LEPR: variants seen among roughly 807,000 people sequenced by gnomAD.
LEPR encodes the protein leptin receptor.
LEPR carries 56 observed loss-of-function variants against 114.7 expected under a neutral mutation model. The ratio of observed to expected loss-of-function variants is 0.49; its 90% CI spans 0.39 to 0.61. The LOEUF (loss-of-function observed/expected upper bound fraction) is 0.61. LEPR is among the 20% of genes least tolerant of loss of function. The probability of loss-of-function intolerance (pLI) is 0.00; values close to 1 mark genes in which losing one functional copy is unlikely to be tolerated. For missense variants in LEPR, 1,202 were observed against 1,352.9 expected (o/e 0.89, Z 1.75); for synonymous variants, 443 against 461.4 (o/e 0.96, Z 0.51).
chr1:65,459,166 T>C (rs140075184), intron 2 of LEPR, among the ~76,000 whole-genome samples: 1 of 152,338 alleles, frequency 6.6e-6, no homozygotes, highest in African/African-American at 2.4e-5. Flanking sequence ...CAGGTCGTTG[T>C]CCACAGTATG....
intron 2 of LEPR, among the ~76,000 whole-genome samples, chr1:65,501,598 G>A (rs1648455560): frequency 6.6e-6 from 1 of 151,926 alleles, no homozygotes; most frequent in Admixed American, 6.6e-5. Context: ...GGTACTAGGG[G>A]TTAGGACTTG....
chr1:65,534,957 T>C (rs991386422), intron 2 of LEPR, among the ~76,000 whole-genome samples: 2 of 152,198 alleles, frequency 1.3e-5, no homozygotes, highest in Admixed American at 1.3e-4. Context: ...ATTGTAACTT[T>C]AGCCGCTGTT....
chr1:65,464,590 A>AAT lies in LEPR; in HGVS notation c.-21+39212_-21+39213insAT, dbSNP rs576985287. 8.5e-5 allele frequency among the ~76,000 whole-genome samples: 13 copies of AAT among 152,334 alleles called. No homozygotes were observed. In the East Asian group the frequency reaches 2.1e-3, roughly 25 times the overall value. The stretch of plus-strand genomic sequence containing the variant: ...TTTTTCTATTGATTGAAATAGTTTC[A>AAT]GAAGGAATAGTACCAGCTCCTTTTT... On this transcript the variant is annotated intron_variant, in intron 2 of 19. Transcript: ENST00000349533.
chr1:65,486,042 T>C (rs1339813571), intron 2 of LEPR, among the ~76,000 whole-genome samples: 1 of 152,186 alleles, frequency 6.6e-6, no homozygotes, highest in Non-Finnish European at 1.5e-5. Context: ...ATATTCTTCA[T>C]AGTTATCTCC....
At chr1:65,524,108 C>T (rs1319659053) in intron 2 of LEPR, among the ~76,000 whole-genome samples, 1 of 152,142 alleles carries the variant, frequency 6.6e-6, no homozygotes, top group Non-Finnish European at 1.5e-5. Context: ...ATTTTAGTCT[C>T]CAGAGCAGTG....
At chr1:65,567,335 C>T (rs1653838245) in intron 3 of LEPR, among the ~76,000 whole-genome samples, 1 of 152,146 alleles carries the variant, frequency 6.6e-6, no homozygotes, top group South Asian at 2.1e-4. Flanking sequence ...TCTATGTAGA[C>T]CTAGAATATA....
At chr1:65,449,783 C>G (rs1000070706) in intron 2 of LEPR, among the ~76,000 whole-genome samples, 2 of 132,702 alleles carry the variant, frequency 1.5e-5, no homozygotes, top group African/African-American at 5.6e-5. Flanking sequence ...TTTATTATTT[C>G]TTATTCTTTC....
At chr1:65,630,794 T>C (rs1658488318) in intron 19 of LEPR, among the ~76,000 whole-genome samples, 1 of 152,098 alleles carries the variant, frequency 6.6e-6, no homozygotes, top group African/African-American at 2.4e-5. Flanking sequence ...TTTTGTAAAT[T>C]TCCAAGTATT....
At chr1:65,539,960 C>A (rs1159450752) in intron 2 of LEPR, among the ~76,000 whole-genome samples, 3 of 152,162 alleles carry the variant, frequency 2.0e-5, no homozygotes, top group Non-Finnish European at 4.4e-5. Context: ...CTGGCACTCA[C>A]TGAGGTTCGG....
chr1:65,465,596 C>T (rs190857928), intron 2 of LEPR, among the ~76,000 whole-genome samples: 269 of 152,154 alleles, frequency 1.8e-3, no homozygotes, highest in African/African-American at 6.0e-3. Context: ...CCTTCTTTCT[C>T]GTTGATCTGT....
At chr1:65,530,822 C>T (rs1000293157) in intron 2 of LEPR, among the ~76,000 whole-genome samples, 2 of 152,152 alleles carry the variant, frequency 1.3e-5, no homozygotes, top group African/African-American at 4.8e-5. Context: ...TCATTTTACC[C>T]AGCCCCTACT....
chr1:65,567,972 A>G (rs148648322), intron 3 of LEPR, among the ~76,000 whole-genome samples: 2 of 152,208 alleles, frequency 1.3e-5, no homozygotes, highest in African/African-American at 4.8e-5. Flanking sequence ...ATATTGTATG[A>G]ATGTTGACTG....
In LEPR at chr1:65,480,982, G is replaced by A. The variant is rs114454298; in HGVS notation, c.-21+55604G>A. ...TATAACAAAATACCATAGACTGAGT[G>A]GCTTAAGCAACAGAAATGCATTTTC... On this transcript the variant is annotated intron_variant, in intron 2 of 19. Transcript: ENST00000349533. Among the ~76,000 whole-genome samples the A allele has an allele frequency of 7.2e-3, 1,100 of 152,234 alleles. 11 individuals are homozygous for A. Among genetic ancestry groups the A allele is most frequent in the African/African-American group, 0.025 (1,047 of 41,542 alleles).
chr1:65,486,998 C>T (rs1055911335), intron 2 of LEPR, among the ~76,000 whole-genome samples: 2 of 152,110 alleles, frequency 1.3e-5, no homozygotes, highest in African/African-American at 4.8e-5. Context: ...TCTGTTCCTA[C>T]CACTCTATAA....
intron 2 of LEPR, among the ~76,000 whole-genome samples, chr1:65,483,439 T>G (rs1416755355): frequency 6.6e-6 from 1 of 152,140 alleles, no homozygotes; most frequent in Non-Finnish European, 1.5e-5. Flanking sequence ...AATGATAGAT[T>G]CAGCATGGAA....
intron 2 of LEPR, among the ~76,000 whole-genome samples, chr1:65,467,246 T>C (rs1275382514): frequency 1.3e-5 from 2 of 152,204 alleles, no homozygotes; most frequent in Non-Finnish European, 2.9e-5. Flanking sequence ...ATGTTGATGC[T>C]ATTCCTTTCT....
At chr1:65,545,721 G>A (rs1266474535) in intron 2 of LEPR, among the ~76,000 whole-genome samples, 1 of 152,216 alleles carries the variant, frequency 6.6e-6, no homozygotes, top group Non-Finnish European at 1.5e-5. Flanking sequence ...TTTGTCAGAT[G>A]AGTAGTTTGT....
intron 2 of LEPR, among the ~76,000 whole-genome samples, chr1:65,497,511 T>A (rs1174752858): frequency 6.6e-6 from 1 of 152,142 alleles, no homozygotes; most frequent in Non-Finnish European, 1.5e-5. Flanking sequence ...GCAGGATTGC[T>A]TTTACATGAA....
intron 2 of LEPR, among the ~76,000 whole-genome samples, chr1:65,492,356 CA>C (rs1317238884): frequency 6.6e-6 from 1 of 152,042 alleles, no homozygotes; most frequent in Non-Finnish European, 1.5e-5. Flanking sequence ...TCTCTTCTTT[CA>C]TGAATTAAGC....
Sources: gnomAD v4.1 joint callset for allele counts (sites outside exome capture counted in the v4.1 genomes callset) on GRCh38, gnomAD v4.1.1 for gene constraint, MANE v1.5 for transcripts, NCBI Gene and HGNC (gene_info 2026-07-23, HGNC 2026-07-21) for gene names.